Variants in LRP5 observed in about 807,000 individuals in gnomAD.
LRP5 encodes low-density lipoprotein receptor-related protein 5.
In LRP5, 62 loss-of-function variants were observed where a neutral mutation model predicts 154.1. The ratio of observed to expected loss-of-function variants is 0.40; its 90% CI spans 0.33 to 0.50. The LOEUF (loss-of-function observed/expected upper bound fraction) is 0.50. Ranked by LOEUF, LRP5 falls within the 20% of genes least tolerant of loss-of-function variation. The pLI is 0.55. For synonymous variants in LRP5, 966 were observed against 1,011.5 expected, an observed-to-expected ratio of 0.96 and a Z score of 0.85; for missense variants, 1,915 against 2,336.7, an observed-to-expected ratio of 0.82 and a Z score of 3.72.
At chr11:68,367,325 G>A (rs2098631636) in intron 5 of LRP5, among the ~76,000 whole-genome samples, 1 of 152,210 alleles carries the variant, frequency 6.6e-6, no homozygotes, top group South Asian at 2.1e-4. Flanking sequence ...TCACCAGCCT[G>A]GGGTTGCCCA....
At chr11:68,394,388 C>T (rs1021801246) in intron 7 of LRP5, among the ~76,000 whole-genome samples, 10 of 151,164 alleles carry the variant, frequency 6.6e-5, no homozygotes, top group African/African-American at 1.9e-4. Flanking sequence ...ACAGGGGGGT[C>T]GCAGGAGCTC....
intron 5 of LRP5, among the ~76,000 whole-genome samples, chr11:68,368,122 A>G (rs1215972769): frequency 1.3e-5 from 2 of 151,986 alleles, no homozygotes; most frequent in African/African-American, 2.4e-5. Flanking sequence ...GGTGGAGCAT[A>G]TATGTTGCCC....
rs1591339598 is a variant in LRP5 at position 68,447,332 on chromosome 11, C to T, written c.4586+799C>T. Among the ~76,000 whole-genome samples, 1 of 152,208 alleles carries T rather than the reference C, an allele frequency of 6.6e-6. No individual in the cohort carries two copies. Among genetic ancestry groups the T allele is most frequent in the African/African-American group, 2.4e-5 (1 of 41,456 alleles). ...CCTGGGCCAGGACACCTCTGGACCA[C>T]GCATTCCTCATTGCTTGGGTCCCTG... On this transcript the variant is annotated intron_variant, in intron 22 of 22. Transcript: ENST00000294304. The surrounding 1 kb of genome is among the most constrained non-coding windows in gnomAD (Gnocchi z 4.3).
chr11:68,327,172 C>G (rs1354601829), intron 1 of LRP5, among the ~76,000 whole-genome samples: 4 of 152,244 alleles, frequency 2.6e-5, no homozygotes, highest in Non-Finnish European at 4.4e-5. Context: ...CAGGCTCCCC[C>G]TCCAAAGCCA....
chr11:68,308,381 C>T (rs562163528), upstream of LRP5, among the ~76,000 whole-genome samples: 6 of 152,288 alleles, frequency 3.9e-5, no homozygotes, highest in South Asian at 2.1e-4. Flanking sequence ...CCCCTGTCCC[C>T]GGAAGCAATG....
At chr11:68,323,520 T>G (rs573833637) in intron 1 of LRP5, among the ~76,000 whole-genome samples, 20 of 151,828 alleles carry the variant, frequency 1.3e-4, no homozygotes, top group African/African-American at 4.8e-4. Context: ...TTCATGTGGT[T>G]CTCCCGCCTC....
upstream of LRP5, among the ~76,000 whole-genome samples, chr11:68,311,015 T>C (rs1400578900): frequency 2.0e-5 from 3 of 151,766 alleles, no homozygotes; most frequent in Non-Finnish European, 4.4e-5. Context: ...CTGGCTGCCA[T>C]GAGATCAGGT....
upstream of LRP5, among the ~76,000 whole-genome samples, chr11:68,309,561 T>C (rs1470314517): frequency 4.0e-5 from 6 of 149,980 alleles, no homozygotes; most frequent in South Asian, 1.1e-3. Context: ...TGGGAGTCTC[T>C]GGTGGCCCCT....
intron 21 of LRP5, 153 bp downstream of exon 21, chr11:68,440,069 T>G: frequency 1.5e-6 from 1 of 661,436 alleles, no homozygotes. Flanking sequence ...ACCCTTCTGC[T>G]TCCTTCTTTA....
intron 17 of LRP5, 25 bp downstream of exon 17, chr11:68,429,725 T>C (rs990522711): frequency 6.2e-7 from 1 of 1,613,676 alleles, no homozygotes; most frequent in African/African-American, 1.3e-5. Context: ...GGTGCTCCTT[T>C]GGGGTGATGG....
intron 4 of LRP5, among the ~76,000 whole-genome samples, chr11:68,365,078 T>C (rs1385601802): frequency 1.3e-5 from 2 of 152,038 alleles, no homozygotes; most frequent in Non-Finnish European, 2.9e-5. Flanking sequence ...GGTCCACACA[T>C]AGCACAAAGA....
intron 9 of LRP5, among the ~76,000 whole-genome samples, chr11:68,409,259 TATATA>T (rs1269222312): frequency 7.1e-6 from 1 of 140,244 alleles, no homozygotes; most frequent in Non-Finnish European, 1.5e-5. Context: ...TATAATAAAA[TATATA>T]ATATAAAAAT....
chr11:68,325,206 A>G (rs1448288522), intron 1 of LRP5, among the ~76,000 whole-genome samples: 2 of 152,196 alleles, frequency 1.3e-5, no homozygotes, highest in Non-Finnish European at 2.9e-5. Context: ...CTGGGGTCCA[A>G]TGGTATGATG....
chr11:68,351,953 T>A (rs1215415044), intron 2 of LRP5, among the ~76,000 whole-genome samples: 1 of 151,974 alleles, frequency 6.6e-6, no homozygotes, highest in Non-Finnish European at 1.5e-5. Flanking sequence ...CTGGGCTGGT[T>A]TGGGGCGGGG....
Position 68,423,641 on chromosome 11 carries a change from G to T in LRP5, c.3180G>T (p.Val1060=). The T allele has an allele frequency of 6.2e-7, 1 of 1,614,116 alleles. No individual in the cohort carries two copies. Among genetic ancestry groups the T allele is most frequent in the Non-Finnish European group, 8.5e-7 (1 of 1,180,016 alleles). Reference sequence around the variant, plus strand: ...GGCTGAGCGGGGAAGCCATGGGGGTGGTGCTGCGTGGGGACCGCGACAAGC... The same window carrying T: ...GGCTGAGCGGGGAAGCCATGGGGGTTGTGCTGCGTGGGGACCGCGACAAGC... ...VHRLSGEAMG[V]VLRGDRDKPR... is the part of the protein sequence containing the mutation. The change falls in exon 14 of 23, where the codon GTG becomes GTT. Residue 1060 remains valine, a synonymous_variant. Coordinates refer to ENST00000294304, the MANE Select transcript of LRP5 (RefSeq NM_002335.4). The surrounding 1 kb of genome is among the most constrained non-coding windows in gnomAD (Gnocchi z 4.7).
chr11:68,435,169 C>T (rs2098674183), intron 18 of LRP5, among the ~76,000 whole-genome samples: 2 of 152,274 alleles, frequency 1.3e-5, no homozygotes, highest in Non-Finnish European at 2.9e-5. Flanking sequence ...GACCTCACGT[C>T]TGGCCCTTGA....
chr11:68,388,750 C>T (rs373694055), intron 6 of LRP5, among the ~76,000 whole-genome samples: 24 of 152,196 alleles, frequency 1.6e-4, no homozygotes, highest in East Asian at 5.8e-4. Context: ...TTTCTGTCCA[C>T]TGACCTTTGG....
chr11:68,443,295 G>A (rs1313436973), intron 21 of LRP5, among the ~76,000 whole-genome samples: 1 of 151,360 alleles, frequency 6.6e-6, no homozygotes, highest in Non-Finnish European at 1.5e-5. Context: ...TTGAGGCCGG[G>A]AGTTTGAGAC....
At chr11:68,300,558 G>A in the LRP5 span, among the ~76,000 whole-genome samples, 46 of 149,630 alleles carry the variant, frequency 3.1e-4, 2 homozygotes, top group Middle Eastern at 0.01. Context: ...GTGGCCCAGG[G>A]GATATGCCCT....
Sources: allele counts gnomAD v4.1 joint callset (sites outside exome capture counted in the v4.1 genomes callset), GRCh38; gene constraint gnomAD v4.1.1; non-coding constraint Gnocchi (gnomAD v3.1); transcripts MANE v1.5; gene names NCBI Gene and HGNC (gene_info 2026-07-23, HGNC 2026-07-21).